MKRN2: variants seen among roughly 807,000 people sequenced by gnomAD.
MKRN2 encodes the protein makorin ring finger protein 2.
Under a neutral mutation model 45.4 loss-of-function variants are expected in MKRN2, and 32 were observed. That is an observed-to-expected ratio of 0.70 (90% CI 0.53 to 0.95). The LOEUF is 0.95. Ranked by LOEUF, MKRN2 falls within the 40% of genes least tolerant of loss-of-function variation. The probability of loss-of-function intolerance (pLI) is 0.00; values close to 1 mark genes in which losing one functional copy is unlikely to be tolerated. For synonymous variants in MKRN2, 206 were observed against 192.4 expected (o/e 1.07, Z -0.59); for missense variants, 526 against 536.7 (o/e 0.98, Z 0.20).
At chr3:12,567,319 T>TAG (rs1475504818) in intron 1 of MKRN2, among the ~76,000 whole-genome samples, 2 of 151,604 alleles carry the variant, frequency 1.3e-5, no homozygotes, top group African/African-American at 4.8e-5. Context: ...TCACCCAGGC[T>TAG]AGAGTGCAGT....
At chr3:12,575,030 C>T (rs1422663571) in intron 5 of MKRN2, 24 bp downstream of exon 5, 24 of 1,597,674 alleles carry the variant, frequency 1.5e-5, no homozygotes, top group Non-Finnish European at 2.1e-5. Flanking sequence ...GGGGTCTTAG[C>T]TGTGGGAGCT....
Position 12,581,866 on chromosome 3 carries a change from T to C in MKRN2, c.1027T>C (p.Cys343Arg). The C allele has an allele frequency of 1.2e-6, 2 of 1,614,148 alleles. No individual in the cohort carries two copies. Among genetic ancestry groups the C allele is most frequent in the Middle Eastern group, 1.6e-4 (1 of 6,062 alleles). The change falls in exon 7 of 8, where the codon TGT becomes CGT. Residue 343 changes from cysteine (C) to arginine (R), a missense_variant. Cys to Arg is a radical substitution (Grantham distance 180). Transcript: ENST00000170447. ...GKGTCPFGSK[C>R]LYRHAYPDGR... is the part of the protein sequence containing the mutation. ...GGGGACCTGCCCATTTGGAAGCAAA[T>C]GTCTTTATCGCCATGCTTACCCCGA...
chr3:12,558,394 AG>A (rs2058002755), intron 1 of MKRN2, among the ~76,000 whole-genome samples: 1 of 152,148 alleles, frequency 6.6e-6, no homozygotes, highest in Non-Finnish European at 1.5e-5. Flanking sequence ...CTCCTGCTGG[AG>A]GAAGTATTCC....
chr3:12,561,984 T>A (rs1403770533), intron 1 of MKRN2, among the ~76,000 whole-genome samples: 1 of 152,146 alleles, frequency 6.6e-6, no homozygotes, highest in African/African-American at 2.4e-5. Flanking sequence ...TATTCAAGGC[T>A]GAGATTATTA....
At chr3:12,558,304 T>C (rs1351665644) in intron 1 of MKRN2, among the ~76,000 whole-genome samples, 1 of 152,184 alleles carries the variant, frequency 6.6e-6, no homozygotes, top group Non-Finnish European at 1.5e-5. Context: ...AAAAAGACTT[T>C]TACTAGGTTA....
In MKRN2 at chr3:12,582,579, CT is replaced by C; in HGVS notation, c.*330del. 1 of 228,922 alleles carries C rather than the reference CT, an allele frequency of 4.4e-6. No individual in the cohort carries two copies. The allele number at this position is 228,922 out of a possible 1,614,324, so 14.2% of individuals were successfully genotyped here. A position where few individuals can be genotyped will look rare whatever the true frequency, so the allele number is the denominator to read the frequency against. ...AACAAACCTGGCTCTTACCTTTGAT[CT>C]TTTCTTCCCCAGAAATAGTAAACTT... On this transcript the variant is annotated 3_prime_UTR_variant, in exon 8 of 8. Coordinates refer to ENST00000170447, the MANE Select transcript of MKRN2 (RefSeq NM_014160.5).
intron 1 of MKRN2, among the ~76,000 whole-genome samples, chr3:12,562,452 CTCTAAGTT>C (rs1162553901): frequency 6.6e-6 from 1 of 152,202 alleles, no homozygotes; most frequent in Non-Finnish European, 1.5e-5. Context: ...ATAACAGGAA[CTCTAAGTT>C]TCTAACAAAA....
rs750540911 is a variant in MKRN2, at chr3:12,569,021, G to A, written c.155+18G>A. The stretch of plus-strand genomic sequence containing the variant: ...CGGTGCAGGCAAGGACTCTGCAACA[G>A]ATTCCAGCTGTGACACTGATTTCAT... On this transcript the variant is annotated intron_variant, in intron 2 of 7. Coordinates refer to ENST00000170447, the MANE Select transcript of MKRN2 (RefSeq NM_014160.5). 1 of 1,602,604 alleles carries A rather than the reference G, an allele frequency of 6.2e-7. No homozygotes were observed.
At chr3:12,576,527 G>T in intron 5 of MKRN2, 104 bp from the exon 6 acceptor site, 1 of 691,792 alleles carries the variant, frequency 1.4e-6, no homozygotes, top group South Asian at 2.0e-5. Context: ...TTCTGGTGAA[G>T]GAAATGCCTG....
rs776351644 is a variant in MKRN2, at chr3:12,582,292, C to G, written c.*39C>G. The G allele has an allele frequency of 6.2e-7, 1 of 1,608,788 alleles. No homozygotes were observed. The highest frequency in any genetic ancestry group is 8.5e-7 in the Non-Finnish European group (1 of 1,175,876). On this transcript the variant is annotated 3_prime_UTR_variant, in exon 8 of 8. Transcript: ENST00000170447. ...GCCCTGCATCTTGGGCTCCATCGGCCGAAACTTTCCCAAGCCAGGGTGTGC... is the reference window on the plus strand; with the variant it reads ...GCCCTGCATCTTGGGCTCCATCGGCGGAAACTTTCCCAAGCCAGGGTGTGC...
intron 6 of MKRN2, 62 bp from the exon 7 acceptor site, chr3:12,581,746 T>C (rs2058180471): frequency 1.3e-6 from 2 of 1,576,200 alleles, no homozygotes; most frequent in South Asian, 2.2e-5. Context: ...AGGCAGGCAG[T>C]GGCCCAGTTT....
chr3:12,570,314 C>T, intron 3 of MKRN2, 62 bp downstream of exon 3: 1 of 1,514,656 alleles, frequency 6.6e-7, no homozygotes, highest in Non-Finnish European at 9.0e-7. Flanking sequence ...ATGCTTGGTG[C>T]TCCTTTCTAG....
chr3:12,566,470 C>T (rs1312704181), intron 1 of MKRN2, among the ~76,000 whole-genome samples: 4 of 152,130 alleles, frequency 2.6e-5, no homozygotes, highest in Non-Finnish European at 5.9e-5. Flanking sequence ...CTCTCTCTCT[C>T]TCAGATGGTT....
chr3:12,576,764 G>A (rs374570799), intron 6 of MKRN2, 23 bp downstream of exon 6: 83 of 1,513,930 alleles, frequency 5.5e-5, no homozygotes, highest in Middle Eastern at 5.1e-4. Flanking sequence ...GAGTTTCGAC[G>A]TGCCCCTGCT....
At chr3:12,581,022 AG>A (rs2058174947) in intron 6 of MKRN2, among the ~76,000 whole-genome samples, 2 of 150,988 alleles carry the variant, frequency 1.3e-5, no homozygotes. Context: ...TTTTAACTTC[AG>A]TTTGGGATCC....
At chr3:12,558,648 A>G (rs536951970) in intron 1 of MKRN2, among the ~76,000 whole-genome samples, 1 of 152,342 alleles carries the variant, frequency 6.6e-6, no homozygotes, top group East Asian at 1.9e-4. Context: ...TTTACACCTT[A>G]GTAGAGGCAC....
chr3:12,575,950 G>C (rs2125306407), intron 5 of MKRN2, among the ~76,000 whole-genome samples: 1 of 152,234 alleles, frequency 6.6e-6, no homozygotes, highest in East Asian at 1.9e-4. Flanking sequence ...TTTTAACTTT[G>C]CAACTATTAT....
rs377454026 is a variant in MKRN2, at chr3:12,579,952, G to A, written c.969-1856G>A. Among the ~76,000 whole-genome samples, 51 of 152,280 alleles carry A rather than the reference G, an allele frequency of 3.3e-4. 2 individuals carry two copies. The South Asian group carries it at 8.7e-3, about 26-fold the overall frequency. On this transcript the variant is annotated intron_variant, in intron 6 of 7. Transcript: ENST00000170447. ...AAAAAAAAGGTTGGGAAGCTCCTCC[G>A]TGCTGCTCTGAAGGTGGAAACTGGT...
intron 1 of MKRN2, among the ~76,000 whole-genome samples, chr3:12,562,717 C>T (rs1264112823): frequency 6.6e-6 from 1 of 152,042 alleles, no homozygotes; most frequent in Admixed American, 6.6e-5. Context: ...TCAGCAGCAG[C>T]ATTAGATTCT....
Sources: allele counts gnomAD v4.1 joint callset (sites outside exome capture counted in the v4.1 genomes callset), GRCh38; gene constraint gnomAD v4.1.1; transcripts MANE v1.5; gene names NCBI Gene and HGNC (gene_info 2026-07-23, HGNC 2026-07-21).